ZEB1: variants seen among roughly 807,000 people sequenced by gnomAD.
ZEB1 encodes the protein zinc finger E-box binding homeobox 1, also known as zinc finger E-box-binding homeobox 1.
A neutral mutation model predicts 84.9 loss-of-function variants in ZEB1; 21 were observed. The ratio of observed to expected loss-of-function variants is 0.25; its 90% CI spans 0.18 to 0.36. The LOEUF (loss-of-function observed/expected upper bound fraction) is 0.36, where lower values mean the gene tolerates loss of function less well. Among genes scored for constraint, ZEB1 ranks in the 10% least tolerant of loss-of-function variants. The pLI is 1.00. For synonymous variants in ZEB1, 420 were observed against 471.1 expected, an observed-to-expected ratio of 0.89 and a Z score of 1.41; for missense variants, 1,104 against 1,330.2, an observed-to-expected ratio of 0.83 and a Z score of 2.65.
At chr10:31,464,619 A>G (rs1253432979) in intron 2 of ZEB1, among the ~76,000 whole-genome samples, 1 of 152,214 alleles carries the variant, frequency 6.6e-6, no homozygotes, top group Non-Finnish European at 1.5e-5. Context: ...AATTATGAAA[A>G]GTCAACGACA....
At chr10:31,408,866 A>C (rs1283193815) in intron 1 of ZEB1, among the ~76,000 whole-genome samples, 2 of 150,824 alleles carry the variant, frequency 1.3e-5, no homozygotes, top group Non-Finnish European at 2.9e-5. Context: ...CACCAAAAGC[A>C]ATGGCAACAA....
At chr10:31,469,445 G>T (rs1000624807) in intron 2 of ZEB1, among the ~76,000 whole-genome samples, 2 of 152,184 alleles carry the variant, frequency 1.3e-5, no homozygotes, top group Non-Finnish European at 2.9e-5. Context: ...CAAAGAAAGG[G>T]GTGACAGACG....
chr10:31,458,336 T>C (rs952177338), intron 1 of ZEB1, among the ~76,000 whole-genome samples: 12 of 102,288 alleles, frequency 1.2e-4, no homozygotes, highest in African/African-American at 1.0e-3. Flanking sequence ...TGTGTGTGTG[T>C]TGTGTGTGTG....
At chr10:31,444,894 C>T (rs1044957331) in intron 1 of ZEB1, among the ~76,000 whole-genome samples, 4 of 151,980 alleles carry the variant, frequency 2.6e-5, no homozygotes, top group Admixed American at 2.0e-4. Context: ...CTTGGCGATG[C>T]AGGTTCTTTT....
intron 1 of ZEB1, chr10:31,387,674 T>C: frequency 1.2e-6 from 1 of 847,636 alleles, no homozygotes. Flanking sequence ...CTGTGAAGAA[T>C]TACTTTTCAT....
At chr10:31,400,764 T>C (rs1475575467) in intron 1 of ZEB1, among the ~76,000 whole-genome samples, 1 of 152,154 alleles carries the variant, frequency 6.6e-6, no homozygotes, top group Non-Finnish European at 1.5e-5. Context: ...CAAATACTAA[T>C]TCAGCCTACC....
intron 1 of ZEB1, among the ~76,000 whole-genome samples, chr10:31,366,934 T>C (rs960807067): frequency 2.6e-5 from 4 of 152,214 alleles, no homozygotes; most frequent in Non-Finnish European, 5.9e-5. Context: ...GCATTCCACA[T>C]ACAGTTAGTG....
intron 1 of ZEB1, among the ~76,000 whole-genome samples, chr10:31,453,846 A>G (rs1024088068): frequency 1.4e-4 from 21 of 152,212 alleles, no homozygotes; most frequent in Admixed American, 3.9e-4. Context: ...AGGAGCTGGT[A>G]CCATTCCTTC....
intron 1 of ZEB1, among the ~76,000 whole-genome samples, chr10:31,434,250 A>G (rs961773073): frequency 5.9e-5 from 9 of 152,340 alleles, no homozygotes; most frequent in East Asian, 1.9e-4. Flanking sequence ...AAGCACTGCT[A>G]TGTGCTGGGC....
At chr10:31,380,567 A>G (rs1017578580) in intron 1 of ZEB1, among the ~76,000 whole-genome samples, 2 of 152,094 alleles carry the variant, frequency 1.3e-5, no homozygotes, top group Non-Finnish European at 2.9e-5. Context: ...CTCCAAATCA[A>G]TTCTGTCATT....
At chr10:31,452,893 T>A (rs1367513028) in intron 1 of ZEB1, among the ~76,000 whole-genome samples, 4 of 152,112 alleles carry the variant, frequency 2.6e-5, no homozygotes, top group Admixed American at 1.3e-4. Context: ...TTCTCAGAAT[T>A]GTGCTAATGT....
At chr10:31,502,880 C>G (rs969148881) in intron 4 of ZEB1, among the ~76,000 whole-genome samples, 1 of 152,022 alleles carries the variant, frequency 6.6e-6, no homozygotes, top group African/African-American at 2.4e-5. Flanking sequence ...TGCTTTATAC[C>G]AGAACATACT....
intron 1 of ZEB1, among the ~76,000 whole-genome samples, chr10:31,440,510 C>T (rs972834854): frequency 6.6e-5 from 10 of 152,058 alleles, no homozygotes; most frequent in Non-Finnish European, 4.4e-5. Context: ...ACAGGGGTGC[C>T]CTTTCTCACC....
chr10:31,439,462 CTT>C (rs1383008489), intron 1 of ZEB1, among the ~76,000 whole-genome samples: 2 of 151,936 alleles, frequency 1.3e-5, no homozygotes, highest in Non-Finnish European at 2.9e-5. Context: ...GTTACTGGGA[CTT>C]TTTTGCCGAT....
intron 2 of ZEB1, 33 bp downstream of exon 2, chr10:31,461,270 C>G (rs1223020233): frequency 1.3e-6 from 2 of 1,564,474 alleles, no homozygotes; most frequent in Non-Finnish European, 1.7e-6. Flanking sequence ...ATATTGTATT[C>G]TCATGATTCG....
At chr10:31,322,548 CAG>C (rs2034402274) in intron 1 of ZEB1, among the ~76,000 whole-genome samples, 1 of 152,128 alleles carries the variant, frequency 6.6e-6, no homozygotes, top group Non-Finnish European at 1.5e-5. Context: ...ATGTAACTGA[CAG>C]GGGTAAACCA....
At chr10:31,444,264 G>GT (rs2059459475) in intron 1 of ZEB1, among the ~76,000 whole-genome samples, 2 of 112,498 alleles carry the variant, frequency 1.8e-5, no homozygotes, top group South Asian at 3.4e-4. Context: ...GGGGTTGTTT[G>GT]TTTTTTTCTT....
chr10:31,399,887 T>C lies in ZEB1; in HGVS notation c.59-61150T>C, dbSNP rs147400497. Among the ~76,000 whole-genome samples, 306 of 152,338 alleles carry C rather than the reference T, an allele frequency of 2.0e-3. 1 individual carries two copies. The highest frequency in any genetic ancestry group is 7.1e-3 in the African/African-American group (294 of 41,578). On this transcript the variant is annotated intron_variant, in intron 1 of 8. Transcript: ENST00000424869. ...TCCACACTGGCTTCTTTGCTGTTCT[T>C]AGAACATGCCAGGCAAGTTCTTGCT...
intron 2 of ZEB1, among the ~76,000 whole-genome samples, chr10:31,477,764 A>G (rs188023557): frequency 6.6e-6 from 1 of 152,178 alleles, no homozygotes; most frequent in African/African-American, 2.4e-5. Flanking sequence ...CAATGGGGAA[A>G]GGACATCCTA....
Sources: gnomAD v4.1 joint callset for allele counts (sites outside exome capture counted in the v4.1 genomes callset) on GRCh38, gnomAD v4.1.1 for gene constraint, MANE v1.5 for transcripts, NCBI Gene and HGNC (gene_info 2026-07-23, HGNC 2026-07-21) for gene names.